Variants in OCM observed in about 807,000 individuals in gnomAD.
OCM encodes oncomodulin.
A neutral mutation model predicts 14.1 loss-of-function variants in OCM; 18 were observed. That is an observed-to-expected ratio of 1.28 (90% confidence interval 0.88 to 1.89). The LOEUF is 1.89. OCM is among the 40% of genes most tolerant of loss of function. The probability of loss-of-function intolerance (pLI) is 0.00; values close to 1 mark genes in which losing one functional copy is unlikely to be tolerated. For synonymous variants in OCM, 48 were observed against 51.0 expected, an observed-to-expected ratio of 0.94 and a Z score of 0.25; for missense variants, 140 against 137.6, an observed-to-expected ratio of 1.02 and a Z score of -0.09.
intron 2 of OCM, 33 bp downstream of exon 2, chr7:5,882,658 G>A (rs1190235819): frequency 3.7e-6 from 6 of 1,611,850 alleles, no homozygotes; most frequent in South Asian, 3.3e-5. Flanking sequence ...CTGGTACCCG[G>A]CACTGCTGAG....
chr7:5,868,111 T>C, the OCM span, among the ~76,000 whole-genome samples: 1 of 151,880 alleles, frequency 6.6e-6, no homozygotes, highest in East Asian at 1.9e-4. Flanking sequence ...TCCCATCCAG[T>C]GTATTTTTCT....
chr7:5,866,301 G>C, the OCM span, among the ~76,000 whole-genome samples: 1,681 of 150,098 alleles, frequency 0.011, 34 homozygotes, highest in African/African-American at 0.04. Context: ...ACTCCAGCCT[G>C]GGCAACAGAG....
the OCM span, among the ~76,000 whole-genome samples, chr7:5,869,489 T>C: frequency 6.6e-6 from 1 of 151,984 alleles, no homozygotes; most frequent in Non-Finnish European, 1.5e-5. Flanking sequence ...TCCCCGCTAC[T>C]CAGGAGGGTG....
At chr7:5,874,355 A>G in the OCM span, among the ~76,000 whole-genome samples, 1 of 151,834 alleles carries the variant, frequency 6.6e-6, no homozygotes, top group Non-Finnish European at 1.5e-5. Flanking sequence ...AATGGTTAAT[A>G]TATACATATA....
chr7:5,870,091 CATTTT>C, the OCM span, among the ~76,000 whole-genome samples: 6 of 151,544 alleles, frequency 4.0e-5, no homozygotes, highest in African/African-American at 1.5e-4. Flanking sequence ...TTTGCAGAAT[CATTTT>C]TTATTTTATT....
the OCM span, among the ~76,000 whole-genome samples, chr7:5,864,272 A>G: frequency 0.01 from 1,542 of 151,246 alleles, 30 homozygotes; most frequent in East Asian, 0.073. Context: ...ACTTGAGCCC[A>G]GGAGGTTGAG....
At chr7:5,869,017 C>T in the OCM span, among the ~76,000 whole-genome samples, 35 of 151,864 alleles carry the variant, frequency 2.3e-4, no homozygotes, top group African/African-American at 6.8e-4. Context: ...GAGCTGAGAT[C>T]GCGCCATTGT....
At chr7:5,885,918 T>G in intron 3 of OCM, 146 bp from the exon 4 acceptor site, 1 of 642,302 alleles carries the variant, frequency 1.6e-6, no homozygotes, top group Admixed American at 2.9e-5. Context: ...CAGTTTTTCT[T>G]TCTTTTGTGC....
upstream of OCM, among the ~76,000 whole-genome samples, chr7:5,879,451 G>C (rs1473099830): frequency 6.6e-6 from 1 of 152,088 alleles, no homozygotes; most frequent in Non-Finnish European, 1.5e-5. Context: ...CTTTGAGTCT[G>C]TCAACTCCAG....
the OCM span, among the ~76,000 whole-genome samples, chr7:5,869,774 G>A: frequency 1.6e-4 from 24 of 152,034 alleles, 1 homozygote; most frequent in Middle Eastern, 3.4e-3. Context: ...TAATCCGCAC[G>A]TGCTTGCCCT....
upstream of OCM, chr7:5,880,026 C>T (rs1172970888): frequency 6.6e-6 from 1 of 152,196 alleles, no homozygotes; most frequent in Non-Finnish European, 1.5e-5. Context: ...ATATTAGGCT[C>T]AGGTGCTTAG....
chr7:5,874,626 T>A, the OCM span, among the ~76,000 whole-genome samples: 1 of 152,008 alleles, frequency 6.6e-6, no homozygotes, highest in East Asian at 1.9e-4. Flanking sequence ...CACCTCAGCC[T>A]CCCGAGTAGC....
Position 5,886,100 on chromosome 7 carries a change from C to T in OCM, c.*11C>T. ...ATGGTGCATTCTTAAAAGCCCCAGTCTCTGGAGAAAAGAGAGAAAGGGATA... is the reference window on the plus strand; with the variant it reads ...ATGGTGCATTCTTAAAAGCCCCAGTTTCTGGAGAAAAGAGAGAAAGGGATA... On this transcript the variant is annotated 3_prime_UTR_variant, in exon 4 of 4. Coordinates refer to ENST00000242104, the MANE Select transcript of OCM (RefSeq NM_001097622.2). The T allele has an allele frequency of 6.2e-7, 1 of 1,611,992 alleles. No individual in the cohort carries two copies. The highest frequency in any genetic ancestry group is 8.5e-7 in the Non-Finnish European group (1 of 1,178,090).
chr7:5,880,960 A>T lies in OCM; in HGVS notation c.61+10A>T, dbSNP rs755693640. ...CTCCAGGAATGCCGAGGTAGAGGGG[A>T]CGTGAGGCGGGGGTGGGATTTCCTC... On this transcript the variant is annotated intron_variant, in intron 1 of 3. Transcript: ENST00000242104. 10 of 1,588,088 alleles carry T rather than the reference A, an allele frequency of 6.3e-6. No homozygotes were observed. The East Asian group carries it at 1.8e-4, about 28-fold the overall frequency.
At chr7:5,880,571 C>T (rs1030356021), upstream of OCM, among the ~76,000 whole-genome samples, 1 of 151,982 alleles carries the variant, frequency 6.6e-6, no homozygotes, top group African/African-American at 2.4e-5. Context: ...CCAGCCTGGC[C>T]AACATGGCAA....
chr7:5,861,078 G>A, the OCM span, among the ~76,000 whole-genome samples: 1 of 151,960 alleles, frequency 6.6e-6, no homozygotes, highest in Non-Finnish European at 1.5e-5. Context: ...GGTGGTTATA[G>A]TTGTTGCTGG....
At chr7:5,860,378 A>G in the OCM span, among the ~76,000 whole-genome samples, 3 of 147,794 alleles carry the variant, frequency 2.0e-5, no homozygotes, top group Non-Finnish European at 3.0e-5. Context: ...ATATATATAT[A>G]TATCATTAGG....
rs574154339 is a variant in OCM, at chr7:5,884,613, G to A, written c.304+614G>A. ...CACTTGATTTTGTCATGTTGCTAGC[G>A]TGCTTTTTAACTGCTTTGTGCCTGC... is the stretch of plus-strand genomic sequence containing the variant. On this transcript the variant is annotated intron_variant, in intron 3 of 3. Transcript: ENST00000242104. 2.3e-4 allele frequency among the ~76,000 whole-genome samples: 35 copies of A among 151,916 alleles called. No individual in the cohort carries two copies. The South Asian group carries it at 4.6e-3, about 20-fold the overall frequency.
At chr7:5,872,284 C>T in the OCM span, among the ~76,000 whole-genome samples, 1 of 152,142 alleles carries the variant, frequency 6.6e-6, no homozygotes, top group African/African-American at 2.4e-5. Context: ...AACACACAAG[C>T]TGTCCTTTTC....
Sources: allele counts gnomAD v4.1 joint callset (sites outside exome capture counted in the v4.1 genomes callset), GRCh38; gene constraint gnomAD v4.1.1; transcripts MANE v1.5; gene names NCBI Gene and HGNC (gene_info 2026-07-23, HGNC 2026-07-21).